The following PCNX2 variants were observed in gnomAD, a reference collection of about 807,000 sequenced individuals.
PCNX2 encodes pecanex-like protein 2.
A neutral mutation model predicts 223.8 loss-of-function variants in PCNX2; 168 were observed. That is an observed-to-expected ratio of 0.75 (90% CI 0.66 to 0.85). The LOEUF is 0.85. PCNX2 is among the 40% of genes least tolerant of loss of function. The pLI, the probability that PCNX2 is intolerant of heterozygous loss-of-function variation, is 0.00. For missense variants in PCNX2, 2,507 were observed against 2,675.5 expected (o/e 0.94, Z 1.39); for synonymous variants, 1,006 against 1,052.6 (o/e 0.96, Z 0.86).
intron 19 of PCNX2, among the ~76,000 whole-genome samples, chr1:233,143,487 C>T (rs773249886): frequency 2.0e-5 from 3 of 152,186 alleles, no homozygotes; most frequent in Non-Finnish European, 2.9e-5. Context: ...GTACCAGCAT[C>T]CCCTAGGAAT....
intron 28 of PCNX2, among the ~76,000 whole-genome samples, chr1:233,005,671 T>C (rs1670259061): frequency 6.6e-6 from 1 of 152,064 alleles, no homozygotes; most frequent in South Asian, 2.1e-4. Flanking sequence ...TTTTTCCCCC[T>C]GAGAGAATGA....
At chr1:233,053,336 T>TTCTC (rs1251638316) in intron 25 of PCNX2, among the ~76,000 whole-genome samples, 1 of 152,082 alleles carries the variant, frequency 6.6e-6, no homozygotes, top group African/African-American at 2.4e-5. Flanking sequence ...GGGGACATTC[T>TTCTC]TCCTCCTGCT....
intron 23 of PCNX2, among the ~76,000 whole-genome samples, chr1:233,069,090 C>T (rs964152762): frequency 1.3e-5 from 2 of 152,024 alleles, no homozygotes; most frequent in East Asian, 1.9e-4. Context: ...AAGTAGACTC[C>T]GTAACAAAGA....
the PCNX2 span, among the ~76,000 whole-genome samples, chr1:233,322,176 T>G: frequency 3.9e-5 from 6 of 152,178 alleles, no homozygotes; most frequent in Admixed American, 3.9e-4. Flanking sequence ...TGTCTAATTC[T>G]TTTAAACTCT....
intron 19 of PCNX2, among the ~76,000 whole-genome samples, chr1:233,156,774 C>T (rs1027901457): frequency 2.0e-5 from 3 of 151,942 alleles, no homozygotes; most frequent in African/African-American, 4.8e-5. Context: ...AAAAATTAGC[C>T]GGGTGTGGTG....
intron 1 of PCNX2, among the ~76,000 whole-genome samples, chr1:233,283,318 G>A (rs2103021654): frequency 6.6e-6 from 1 of 152,250 alleles, no homozygotes; most frequent in Middle Eastern, 3.4e-3. Flanking sequence ...CTACTGAAAG[G>A]GGCTAGAGGC....
In PCNX2 at chr1:233,135,120, G is replaced by A. The variant is rs1267511448; in HGVS notation, c.3730C>T (p.Gln1244Ter). The change falls in exon 21 of 34, where the codon CAG becomes TAG. Residue 1244 changes from glutamine to a stop codon, truncating the protein, a stop_gained. Transcript: ENST00000258229. LOFTEE classifies it high-confidence loss of function. ...LRTSFCNPVY[Q>*]FINLSFTVIF... ...ACAGTGAAGCTCAAGTTAATAAACT[G>A]GTAAACCGGGTTGCAGAATGATGTC... 2 of 1,613,550 alleles carry A rather than the reference G, an allele frequency of 1.2e-6. No homozygotes were observed. The highest frequency in any genetic ancestry group is 1.7e-6 in the Non-Finnish European group (2 of 1,179,614).
chr1:233,263,204 A>T (rs372697912), intron 1 of PCNX2, 41 bp from the exon 2 acceptor site: 136 of 1,476,128 alleles, frequency 9.2e-5, no homozygotes, highest in Non-Finnish European at 1.2e-4. Context: ...TTTGCTTTTA[A>T]GATTTTCTTT....
intron 26 of PCNX2, among the ~76,000 whole-genome samples, chr1:233,024,094 G>A (rs894283832): frequency 6.6e-6 from 1 of 152,080 alleles, no homozygotes; most frequent in Non-Finnish European, 1.5e-5. Context: ...CAATTTTTTT[G>A]TAGAGATGGG....
chr1:233,145,537 G>A (rs1677392704), intron 19 of PCNX2, among the ~76,000 whole-genome samples: 1 of 152,064 alleles, frequency 6.6e-6, no homozygotes, highest in Non-Finnish European at 1.5e-5. Context: ...TTCCTGGAAT[G>A]ACCCTGAGTC....
At chr1:233,154,053 T>TAA (rs1677970800) in intron 19 of PCNX2, among the ~76,000 whole-genome samples, 1 of 152,120 alleles carries the variant, frequency 6.6e-6, no homozygotes, top group African/African-American at 2.4e-5. Context: ...TTTAAATAGA[T>TAA]GTTTAATTGA....
At position 232,996,009 on chromosome 1, in the gene PCNX2, C is replaced by G. The variant is rs137906104; in HGVS notation, c.5791+2242G>C. 5.1e-3 allele frequency among the ~76,000 whole-genome samples: 776 copies of G among 152,288 alleles called. 4 individuals carry two copies. The highest frequency in any genetic ancestry group is 0.018 in the African/African-American group (753 of 41,554). On this transcript the variant is annotated intron_variant, in intron 32 of 33. Coordinates refer to ENST00000258229, the MANE Select transcript of PCNX2 (RefSeq NM_014801.4). ...AGTAACTGGGATTACAAGCACCCAC[C>G]ACCACACCTGGCTAATTTTTTGTTG...
intron 21 of PCNX2, among the ~76,000 whole-genome samples, chr1:233,104,094 T>A (rs1282017179): frequency 2.0e-5 from 3 of 152,158 alleles, no homozygotes; most frequent in African/African-American, 7.2e-5. Flanking sequence ...AAATTTCATT[T>A]TGTTCAATAG....
chr1:233,279,618 T>A (rs1439818267), intron 1 of PCNX2, among the ~76,000 whole-genome samples: 1 of 152,218 alleles, frequency 6.6e-6, no homozygotes, highest in East Asian at 1.9e-4. Flanking sequence ...CAAGGTTCTA[T>A]GTGAGTCCTT....
intron 21 of PCNX2, among the ~76,000 whole-genome samples, chr1:233,118,748 T>C (rs1009714281): frequency 1.3e-5 from 2 of 152,158 alleles, no homozygotes; most frequent in Non-Finnish European, 2.9e-5. Flanking sequence ...TAGTTACAGA[T>C]TGGAAGACAA....
At chr1:233,091,112 G>A (rs1041779886) in intron 22 of PCNX2, among the ~76,000 whole-genome samples, 21 of 152,132 alleles carry the variant, frequency 1.4e-4, no homozygotes, top group Non-Finnish European at 3.1e-4. Context: ...CAGAATCCAT[G>A]GGGGTGGCAG....
In PCNX2 at chr1:233,157,716, G is replaced by A. The variant is rs191060913; in HGVS notation, c.3517+2567C>T. 2.0e-5 allele frequency among the ~76,000 whole-genome samples: 3 copies of A among 152,312 alleles called. No homozygotes were observed. In the East Asian group the frequency reaches 5.8e-4, roughly 29 times the overall value. ...AGAGGCAGAAGTCCAGGAAGAAGAG[G>A]CAAGGAAATTCAGGACACAGATGGC... On this transcript the variant is annotated intron_variant, in intron 19 of 33. Coordinates refer to ENST00000258229, the MANE Select transcript of PCNX2 (RefSeq NM_014801.4).
intron 26 of PCNX2, 70 bp from the exon 27 acceptor site, chr1:233,017,224 G>C (rs1312591264): frequency 9.4e-7 from 1 of 1,061,620 alleles, no homozygotes; most frequent in African/African-American, 2.4e-5. Flanking sequence ...CCTCAGGAAA[G>C]TAAGAGGCAT....
At chr1:233,246,816 G>A (rs574280623) in intron 8 of PCNX2, among the ~76,000 whole-genome samples, 22 of 152,288 alleles carry the variant, frequency 1.4e-4, no homozygotes, top group African/African-American at 3.9e-4. Context: ...GAACTCACAC[G>A]AGTGCACACA....
Sources: allele counts gnomAD v4.1 joint callset (sites outside exome capture counted in the v4.1 genomes callset), GRCh38; gene constraint gnomAD v4.1.1; transcripts MANE v1.5; gene names NCBI Gene and HGNC (gene_info 2026-07-23, HGNC 2026-07-21).